Variants in RYR1 observed in about 807,000 individuals in gnomAD.
RYR1 encodes ryanodine receptor 1, also known as central core disease of muscle.
Under a neutral mutation model 583.5 loss-of-function variants are expected in RYR1, and 342 were observed. That is an observed-to-expected ratio of 0.59 (90% CI 0.54 to 0.64). RYR1 has a LOEUF of 0.64. RYR1 is among the 30% of genes least tolerant of loss of function. The pLI is 0.00. For missense variants in RYR1, 6,032 were observed against 6,917.2 expected (o/e 0.87, Z 4.54); for synonymous variants, 2,791 against 2,822.5 (o/e 0.99, Z 0.35).
chr19:38,571,367 C>T (rs1973705012), intron 94 of RYR1, among the ~76,000 whole-genome samples: 1 of 152,156 alleles, frequency 6.6e-6, no homozygotes, highest in Non-Finnish European at 1.5e-5. Flanking sequence ...GGCACAGTGG[C>T]TCACGCCTGT....
chr19:38,570,553 C>A, intron 93 of RYR1, 54 bp from the exon 94 acceptor site: 2 of 1,387,578 alleles, frequency 1.4e-6, no homozygotes, highest in Non-Finnish European at 2.1e-6. Flanking sequence ...GATGAATTCT[C>A]CAGGGAAGAG....
At chr19:38,502,814 A>AGGGGCAGGGGGAGGG in intron 48 of RYR1, 66 bp from the exon 49 acceptor site, 7 of 690,452 alleles carry the variant, frequency 1.0e-5, no homozygotes, top group Non-Finnish European at 7.8e-6. Flanking sequence ...CAGGGGGAGG[A>AGGGGCAGGGGGAGGG]GCAGGGGCAG....
intron 82 of RYR1, among the ~76,000 whole-genome samples, chr19:38,536,435 G>A (rs1442235423): frequency 1.3e-5 from 2 of 151,402 alleles, no homozygotes; most frequent in Non-Finnish European, 2.9e-5. Context: ...TTGCCGTGTT[G>A]TGACGTGTCT....
chr19:38,490,365 C>A (rs1028794118), intron 36 of RYR1, 89 bp downstream of exon 36: 1 of 1,303,956 alleles, frequency 7.7e-7, no homozygotes, highest in Non-Finnish European at 1.1e-6. Flanking sequence ...CCCTCAACCT[C>A]TAAACCCGTG....
chr19:38,473,708 A>G lies in RYR1; in HGVS notation c.4097A>G (p.Glu1366Gly), dbSNP rs1369776203. 3.9e-6 allele frequency: 6 copies of G among 1,548,712 alleles called. No homozygotes were observed. Residue 1366 changes from glutamate to glycine, a missense_variant, in exon 28 of 106, where the codon GAG becomes GGG. Physicochemically the swap from Glu to Gly is moderately conservative, Grantham distance 98 (BLOSUM62 -2). This residue lies in a region of RYR1 where 2,627 missense variants were observed against 2,961.3 expected (regional missense o/e 0.89). Transcript: ENST00000359596. Reference sequence around the variant, plus strand: ...GGGGGCACCCCGCAGGCGGGGGGAGAGGCGCAGCCCGCCAGGGCGGAGAAT... The same window carrying G: ...GGGGGCACCCCGCAGGCGGGGGGAGGGGCGCAGCCCGCCAGGGCGGAGAAT... ...APGGTPQAGG[E>G]AQPARAENEK...
At chr19:38,585,199 T>C in intron 102 of RYR1, 100 bp downstream of exon 102, 1 of 1,407,392 alleles carries the variant, frequency 7.1e-7, no homozygotes, top group South Asian at 1.2e-5. Flanking sequence ...ATACCCCATC[T>C]CTACCTCTCG....
chr19:38,466,512 T>C (rs907639553), intron 24 of RYR1, 114 bp downstream of exon 24: 39 of 1,112,576 alleles, frequency 3.5e-5, no homozygotes, highest in Non-Finnish European at 4.8e-5. Context: ...TTTTTTTTTT[T>C]TTTTTTTTTT....
intron 76 of RYR1, among the ~76,000 whole-genome samples, chr19:38,531,127 C>T (rs1160029216): frequency 6.6e-6 from 1 of 151,992 alleles, no homozygotes; most frequent in Non-Finnish European, 1.5e-5. Flanking sequence ...AGCCACCGCG[C>T]CCAGCCTTCT....
chr19:38,494,418 C>G lies in RYR1; in HGVS notation c.6341C>G (p.Pro2114Arg). The change falls in exon 39 of 106, where the codon CCC (proline) becomes CGC (arginine). Residue 2114 changes from proline to arginine, a missense_variant. Physicochemically the swap from Pro to Arg is moderately radical, Grantham distance 103. Coordinates refer to ENST00000359596, the MANE Select transcript of RYR1 (RefSeq NM_000540.3). ...RWAQEDFVQSPELVRAMFSLL... is the reference protein window; with the variant it reads ...RWAQEDFVQSRELVRAMFSLL... ...GCCCAAGAGGACTTCGTGCAGAGCC[C>G]CGAGCTGGTGCGGGCCATGTTCAGC... is the stretch of plus-strand genomic sequence containing the variant. The G allele has an allele frequency of 6.2e-7, 1 of 1,612,166 alleles. No individual in the cohort carries two copies. The highest frequency in any genetic ancestry group is 8.5e-7 in the Non-Finnish European group (1 of 1,180,002).
At chr19:38,582,962 T>C (rs767061250) in intron 101 of RYR1, among the ~76,000 whole-genome samples, 9 of 152,048 alleles carry the variant, frequency 5.9e-5, no homozygotes, top group Admixed American at 3.3e-4. Flanking sequence ...TAGTTTTTAC[T>C]CTAGGATGAC....
At chr19:38,584,814 G>A in intron 101 of RYR1, 129 bp from the exon 102 acceptor site, 1 of 1,062,314 alleles carries the variant, frequency 9.4e-7, no homozygotes, top group Middle Eastern at 2.1e-4. Flanking sequence ...GTATCTGTGA[G>A]CCCTTTGAGG....
At chr19:38,529,421 A>G (rs552364282) in intron 76 of RYR1, among the ~76,000 whole-genome samples, 24 of 152,250 alleles carry the variant, frequency 1.6e-4, no homozygotes, top group Non-Finnish European at 1.3e-4. Flanking sequence ...CGGAGGTTGC[A>G]GTGAGCCGAG....
At chr19:38,508,508 G>C (rs891108874) in intron 58 of RYR1, among the ~76,000 whole-genome samples, 1 of 152,360 alleles carries the variant, frequency 6.6e-6, no homozygotes, top group Admixed American at 6.5e-5. Context: ...ACCGCACCCG[G>C]CTTGCCAGTT....
intron 83 of RYR1, among the ~76,000 whole-genome samples, chr19:38,537,412 G>C (rs1191163849): frequency 6.6e-6 from 1 of 152,136 alleles, no homozygotes; most frequent in Admixed American, 6.5e-5. Flanking sequence ...GGGCCAATTG[G>C]CTGGCTTTCA....
At chr19:38,458,366 C>A in intron 18 of RYR1, 74 bp downstream of exon 18, 1 of 1,487,712 alleles carries the variant, frequency 6.7e-7, no homozygotes, top group Non-Finnish European at 9.4e-7. Flanking sequence ...GACCATACAC[C>A]TTGGGGTTCT....
At position 38,499,886 on chromosome 19, in the gene RYR1, A is replaced by T. The variant is rs1970027069; in HGVS notation, c.7215-22A>T. 1.4e-6 allele frequency: 2 copies of T among 1,424,550 alleles called. No homozygotes were observed. Among genetic ancestry groups the T allele is most frequent in the African/African-American group, 3.1e-5 (2 of 65,458 alleles). The allele number at this position is 1,424,550 out of a possible 1,614,324, so 88.2% of individuals were successfully genotyped here. A position where few individuals can be genotyped will look rare whatever the true frequency, so the allele number is the denominator to read the frequency against. On this transcript the variant is annotated intron_variant, in intron 44 of 105. Transcript: ENST00000359596. The surrounding 1 kb of genome is among the most constrained non-coding windows in gnomAD (Gnocchi z 7.3). ...CTCCCTGGCCCCTGGCTGCCTCCCC[A>T]ACCCACCCACCTTCCCTGCAGCTTT...
intron 94 of RYR1, 62 bp downstream of exon 94, chr19:38,570,755 A>G: frequency 7.4e-7 from 1 of 1,351,950 alleles, no homozygotes; most frequent in Non-Finnish European, 1.1e-6. Flanking sequence ...TGGGAGGCTC[A>G]GCCCCTATCA....
intron 93 of RYR1, among the ~76,000 whole-genome samples, chr19:38,568,230 C>T (rs1177449278): frequency 1.3e-5 from 2 of 152,174 alleles, no homozygotes; most frequent in African/African-American, 4.8e-5. Flanking sequence ...GTGAGGCCAC[C>T]ACTCTGGCCT....
At chr19:38,436,329 T>C (rs1190989002) in intron 1 of RYR1, among the ~76,000 whole-genome samples, 1 of 152,084 alleles carries the variant, frequency 6.6e-6, no homozygotes, top group Non-Finnish European at 1.5e-5. Flanking sequence ...CACCTCAGCC[T>C]CCTGAGTAGC....
Sources: gnomAD v4.1 joint callset for allele counts (sites outside exome capture counted in the v4.1 genomes callset) on GRCh38, gnomAD v4.1.1 for gene constraint, gnomAD v4.1.1 regional missense constraint, Gnocchi (gnomAD v3.1) non-coding constraint, MANE v1.5 for transcripts, NCBI Gene and HGNC (gene_info 2026-07-23, HGNC 2026-07-21) for gene names.